The following SHISAL1 variants were observed in gnomAD, a reference collection of about 807,000 sequenced individuals.
SHISAL1 encodes the protein shisa like 1.
In SHISAL1, 9 loss-of-function variants were observed where a neutral mutation model predicts 22.6. The ratio of observed to expected loss-of-function variants is 0.40; its 90% CI spans 0.24 to 0.70. The LOEUF (loss-of-function observed/expected upper bound fraction) is 0.70, where lower values mean the gene tolerates loss of function less well. Among genes scored for constraint, SHISAL1 ranks in the 30% least tolerant of loss-of-function variants. SHISAL1 has a pLI of 0.39. For synonymous variants in SHISAL1, 119 were observed against 115.4 expected, an observed-to-expected ratio of 1.03 and a Z score of -0.20; for missense variants, 246 against 270.6, an observed-to-expected ratio of 0.91 and a Z score of 0.64.
chr22:44,314,611 G>A (rs1159902780), upstream of SHISAL1, among the ~76,000 whole-genome samples: 1 of 152,140 alleles, frequency 6.6e-6, no homozygotes, highest in African/African-American at 2.4e-5. Flanking sequence ...TGCCTGGAGG[G>A]AAGGTGACCC....
At chr22:44,257,509 T>C (rs2147270305) in intron 4 of SHISAL1, among the ~76,000 whole-genome samples, 1 of 152,352 alleles carries the variant, frequency 6.6e-6, no homozygotes, top group African/African-American at 2.4e-5. Flanking sequence ...AACTTTAGTC[T>C]TGAATTTCCA....
chr22:44,266,401 G>A (rs932713235), intron 4 of SHISAL1, among the ~76,000 whole-genome samples: 2 of 147,712 alleles, frequency 1.4e-5, no homozygotes, highest in African/African-American at 5.2e-5. Flanking sequence ...GTTTGTCGGA[G>A]GGCTTGTTGT....
chr22:44,255,156 C>T (rs2055075745), intron 4 of SHISAL1, among the ~76,000 whole-genome samples: 1 of 152,134 alleles, frequency 6.6e-6, no homozygotes, highest in African/African-American at 2.4e-5. Flanking sequence ...TCTCTCCTTC[C>T]AAGAATCTAA....
intron 4 of SHISAL1, among the ~76,000 whole-genome samples, chr22:44,270,221 T>C (rs945311672): frequency 3.3e-5 from 5 of 152,166 alleles, no homozygotes; most frequent in African/African-American, 1.2e-4. Context: ...TCGACAACCC[T>C]GCAGACTTGA....
the SHISAL1 span, among the ~76,000 whole-genome samples, chr22:44,320,984 C>CTAA: frequency 6.6e-6 from 1 of 152,178 alleles, no homozygotes; most frequent in Non-Finnish European, 1.5e-5. Flanking sequence ...TCATCGTCCC[C>CTAA]ATTATTCACA....
intron 4 of SHISAL1, among the ~76,000 whole-genome samples, chr22:44,259,982 C>T (rs576456948): frequency 6.6e-6 from 1 of 152,308 alleles, no homozygotes; most frequent in East Asian, 1.9e-4. Flanking sequence ...CCAAACCAGG[C>T]ACCCTCTGGG....
chr22:44,319,679 A>G, the SHISAL1 span, among the ~76,000 whole-genome samples: 1 of 152,254 alleles, frequency 6.6e-6, no homozygotes, highest in African/African-American at 2.4e-5. Context: ...GGGACAATTC[A>G]GACCATGTGG....
chr22:44,287,874 G>A (rs899334040), intron 3 of SHISAL1, among the ~76,000 whole-genome samples: 1 of 152,106 alleles, frequency 6.6e-6, no homozygotes, highest in African/African-American at 2.4e-5. Context: ...CCACGGAATT[G>A]CTCTAAGTGC....
chr22:44,280,262 G>A (rs1329878596), intron 4 of SHISAL1, among the ~76,000 whole-genome samples: 1 of 152,170 alleles, frequency 6.6e-6, no homozygotes, highest in Non-Finnish European at 1.5e-5. Context: ...GGTGGGGGGA[G>A]GCTCTGAGAT....
the SHISAL1 span, among the ~76,000 whole-genome samples, chr22:44,324,032 C>A: frequency 6.6e-6 from 1 of 152,168 alleles, no homozygotes; most frequent in African/African-American, 2.4e-5. Context: ...GGCCACACAG[C>A]CAGGAGGAGT....
At chr22:44,295,049 T>C (rs1049456545) in intron 3 of SHISAL1, among the ~76,000 whole-genome samples, 1 of 152,104 alleles carries the variant, frequency 6.6e-6, no homozygotes, top group South Asian at 2.1e-4. Context: ...ACTAACTGGA[T>C]TTTTTTGGGG....
intron 1 of SHISAL1, among the ~76,000 whole-genome samples, chr22:44,308,619 C>A (rs962244220): frequency 6.6e-6 from 1 of 152,230 alleles, no homozygotes; most frequent in African/African-American, 2.4e-5. Context: ...CTTCCCCCGT[C>A]CCCAGGGTGA....
chr22:44,278,491 C>A (rs757679869), intron 4 of SHISAL1, among the ~76,000 whole-genome samples: 17 of 152,206 alleles, frequency 1.1e-4, no homozygotes, highest in Admixed American at 1.0e-3. Flanking sequence ...GAGGAAACTG[C>A]GACTGTCCCT....
At chr22:44,263,513 A>G (rs1261570099) in intron 4 of SHISAL1, among the ~76,000 whole-genome samples, 1 of 152,192 alleles carries the variant, frequency 6.6e-6, no homozygotes, top group Non-Finnish European at 1.5e-5. Context: ...CCCAAGGAAC[A>G]CTGCCTCAAC....
chr22:44,283,568 A>G lies in SHISAL1; in HGVS notation c.599+1860T>C, dbSNP rs113909614. 1.8e-3 allele frequency among the ~76,000 whole-genome samples: 278 copies of G among 152,308 alleles called. 3 individuals are homozygous for G. The highest frequency in any genetic ancestry group is 6.3e-3 in the African/African-American group (263 of 41,574). On this transcript the variant is annotated intron_variant, in intron 4 of 4. Coordinates refer to ENST00000381176, the MANE Select transcript of SHISAL1 (RefSeq NM_001099294.2). ...AGCACAGTGACGTAGGAAATGGAAG[A>G]CCTTGAGGCCGGGGCAGGAAAACAG...
At chr22:44,281,103 G>A (rs959080162) in intron 4 of SHISAL1, among the ~76,000 whole-genome samples, 9 of 152,116 alleles carry the variant, frequency 5.9e-5, no homozygotes, top group African/African-American at 2.2e-4. Flanking sequence ...GGTGGGCCCT[G>A]GCTGTACAGA....
chr22:44,263,392 G>A (rs537658317), intron 4 of SHISAL1, among the ~76,000 whole-genome samples: 2 of 152,210 alleles, frequency 1.3e-5, no homozygotes, highest in East Asian at 3.9e-4. Context: ...TTTTTCTAAG[G>A]GATTCTCACA....
chr22:44,266,963 G>T (rs1357249809), intron 4 of SHISAL1, among the ~76,000 whole-genome samples: 2 of 152,106 alleles, frequency 1.3e-5, no homozygotes, highest in Non-Finnish European at 2.9e-5. Flanking sequence ...TATGTAAAAG[G>T]CAGGCAGTGG....
the SHISAL1 span, among the ~76,000 whole-genome samples, chr22:44,330,922 C>T: frequency 1.3e-5 from 2 of 152,034 alleles, no homozygotes; most frequent in African/African-American, 4.8e-5. Flanking sequence ...GGGAGGGGTC[C>T]TTCTACCCGT....
Sources: allele counts gnomAD v4.1 joint callset (sites outside exome capture counted in the v4.1 genomes callset), GRCh38; gene constraint gnomAD v4.1.1; transcripts MANE v1.5; gene names NCBI Gene and HGNC (gene_info 2026-07-23, HGNC 2026-07-21).